Variants in IFT122 observed in about 807,000 individuals in gnomAD.
The protein encoded by IFT122 is intraflagellar transport 122.
In IFT122, 118 loss-of-function variants were observed where a neutral mutation model predicts 161.6. The ratio of observed to expected loss-of-function variants is 0.73; its 90% CI spans 0.63 to 0.85. The LOEUF (loss-of-function observed/expected upper bound fraction) is 0.85. IFT122 is among the 40% of genes least tolerant of loss of function. The probability of loss-of-function intolerance (pLI) is 0.00; values close to 1 mark genes in which losing one functional copy is unlikely to be tolerated. For missense variants in IFT122, 1,381 were observed against 1,579.6 expected (o/e 0.87, Z 2.13); for synonymous variants, 550 against 602.4 (o/e 0.91, Z 1.27).
In IFT122 at chr3:129,506,138, A is replaced by G. The variant is rs140543394; in HGVS notation, c.2651-271A>G. On this transcript the variant is annotated intron_variant, in intron 21 of 29. Transcript: ENST00000348417. Reference sequence around the variant, plus strand: ...GTTTCACTCTTAGACTTTGCCCTGGAATTTGGCCCCTCCAGTTTTTCCTTT... The same window carrying G: ...GTTTCACTCTTAGACTTTGCCCTGGGATTTGGCCCCTCCAGTTTTTCCTTT... Among the ~76,000 whole-genome samples the G allele has an allele frequency of 1.8e-4, 27 of 152,234 alleles. No homozygotes were observed. The East Asian group carries it at 5.0e-3, about 28-fold the overall frequency.
intron 20 of IFT122, 129 bp from the exon 21 acceptor site, chr3:129,504,190 A>T: frequency 1.3e-6 from 1 of 741,734 alleles, no homozygotes; most frequent in Non-Finnish European, 2.4e-6. Flanking sequence ...TTTTTGGGGG[A>T]GGCACTCTCC....
intron 9 of IFT122, among the ~76,000 whole-genome samples, chr3:129,475,985 A>AG (rs1239863404): frequency 6.6e-6 from 1 of 152,166 alleles, no homozygotes; most frequent in Non-Finnish European, 1.5e-5. Flanking sequence ...TTGCAGAGGG[A>AG]GGGGGGCCTT....
intron 8 of IFT122, among the ~76,000 whole-genome samples, chr3:129,468,588 C>T (rs184065863): frequency 9.0e-4 from 137 of 152,330 alleles, no homozygotes; most frequent in South Asian, 5.0e-3. Flanking sequence ...AGGTGATCCA[C>T]CTGCCTCAAC....
chr3:129,456,286 A>G (rs1320648115), intron 3 of IFT122: 84 of 1,244,264 alleles, frequency 6.8e-5, no homozygotes, highest in Non-Finnish European at 8.7e-5. Context: ...TTCTTTGTTT[A>G]TTTAGTATTT....
intron 16 of IFT122, among the ~76,000 whole-genome samples, chr3:129,491,071 G>A (rs2080024378): frequency 6.6e-6 from 1 of 152,186 alleles, no homozygotes; most frequent in East Asian, 1.9e-4. Context: ...ATTGTGGAGG[G>A]GGACAGGGGC....
At chr3:129,453,256 G>A (rs1391887752) in intron 3 of IFT122, among the ~76,000 whole-genome samples, 4 of 152,092 alleles carry the variant, frequency 2.6e-5, no homozygotes, top group Non-Finnish European at 4.4e-5. Flanking sequence ...CAATGTGGTA[G>A]TAGGAATCTA....
At position 129,514,497 on chromosome 3, in the gene IFT122, A is replaced by G. The variant is rs542924678; in HGVS notation, c.3096A>G (p.Gln1032=). The change falls in exon 25 of 30, where the codon CAA becomes CAG. Residue 1032 remains glutamine, a synonymous_variant. Coordinates refer to ENST00000348417, the MANE Select transcript of IFT122 (RefSeq NM_052989.3). ...GCCTGTACATCCCTGCCAGATTCCA[A>G]AAGTCCATTGAGCTGGGTACCCTGA... ...LRGLYIPARF[Q]KSIELGTLTI... The G allele has an allele frequency of 2.5e-6, 4 of 1,614,206 alleles. No individual in the cohort carries two copies. The highest frequency in any genetic ancestry group is 2.2e-5 in the South Asian group (2 of 91,080).
At chr3:129,442,386 G>A (rs963149859) in intron 1 of IFT122, among the ~76,000 whole-genome samples, 1 of 151,872 alleles carries the variant, frequency 6.6e-6, no homozygotes, top group Non-Finnish European at 1.5e-5. Context: ...TATATAAAAC[G>A]AAATACTGTG....
rs1311566116 is a variant in IFT122 at position 129,520,337 on chromosome 3, G to A, written c.*72G>A. 2 of 1,173,052 alleles carry A rather than the reference G, an allele frequency of 1.7e-6. No individual in the cohort carries two copies. Among genetic ancestry groups the A allele is most frequent in the Admixed American group, 1.9e-5 (1 of 51,510 alleles). The allele number at this position is 1,173,052 out of a possible 1,614,324, so 72.7% of individuals were successfully genotyped here. A position where few individuals can be genotyped will look rare whatever the true frequency, so the allele number is the denominator to read the frequency against. On this transcript the variant is annotated 3_prime_UTR_variant, in exon 30 of 30. Transcript: ENST00000348417. The stretch of plus-strand genomic sequence containing the variant: ...GCTGGGCTGTGAAGGAGAATAAAGA[G>A]TTAAACTGTCAGAATGTGTTTCTTG...
intron 9 of IFT122, among the ~76,000 whole-genome samples, chr3:129,469,886 G>C (rs911708168): frequency 6.6e-6 from 1 of 152,226 alleles, no homozygotes; most frequent in Non-Finnish European, 1.5e-5. Context: ...ACCTGCAAGA[G>C]CTCACAGGCT....
intron 13 of IFT122, among the ~76,000 whole-genome samples, chr3:129,480,337 C>G (rs1445389511): frequency 6.6e-6 from 1 of 152,138 alleles, no homozygotes; most frequent in African/African-American, 2.4e-5. Context: ...AATGCTGGGT[C>G]CTCAAGATAC....
intron 13 of IFT122, among the ~76,000 whole-genome samples, chr3:129,481,204 C>T (rs2078597279): frequency 6.6e-6 from 1 of 152,212 alleles, no homozygotes; most frequent in African/African-American, 2.4e-5. Flanking sequence ...ACTCAGATCT[C>T]TGCTAGGTGG....
intron 21 of IFT122, 35 bp from the exon 22 acceptor site, chr3:129,506,374 C>T (rs1440037286): frequency 1.2e-6 from 2 of 1,610,164 alleles, no homozygotes; most frequent in African/African-American, 1.3e-5. Flanking sequence ...TCCTAAATAG[C>T]ATGTGCTTTT....
At chr3:129,459,283 TTTTTG>T (rs200259631) in intron 4 of IFT122, 13,608 of 452,830 alleles carry the variant, frequency 0.03, 810 homozygotes, top group African/African-American at 0.12. Flanking sequence ...CTGCATCTAT[TTTTTG>T]TTTTGTTTTG....
rs2072765764 is a variant in IFT122 at position 129,440,255 on chromosome 3, G to T, written c.-76G>T. The T allele has an allele frequency of 1.3e-6, 2 of 1,537,414 alleles. No individual in the cohort carries two copies. Among genetic ancestry groups the T allele is most frequent in the Non-Finnish European group, 8.8e-7 (1 of 1,138,724 alleles). On this transcript the variant is annotated 5_prime_UTR_variant, in exon 1 of 30. Coordinates refer to ENST00000348417, the MANE Select transcript of IFT122 (RefSeq NM_052989.3). ...GGTAGCCAAAGTGGCTTGTGGAGTG[G>T]CGACCGTTAGTGAGGCGGTTGCTGA...
chr3:129,506,774 C>T (rs577318057), intron 22 of IFT122, among the ~76,000 whole-genome samples: 1 of 152,298 alleles, frequency 6.6e-6, no homozygotes, highest in Non-Finnish European at 1.5e-5. Flanking sequence ...CAGGTCCAGC[C>T]CTGCATTGCT....
intron 22 of IFT122, among the ~76,000 whole-genome samples, chr3:129,507,099 C>A (rs1452057368): frequency 6.6e-6 from 1 of 152,190 alleles, no homozygotes; most frequent in Non-Finnish European, 1.5e-5. Context: ...TAGCAAGTCA[C>A]AATCCTTCCT....
chr3:129,489,252 G>A (rs1247396702), intron 16 of IFT122, among the ~76,000 whole-genome samples: 4 of 152,312 alleles, frequency 2.6e-5, no homozygotes, highest in Middle Eastern at 3.4e-3. Flanking sequence ...ACCAGACCAG[G>A]ACTAAGAAGC....
Position 129,464,498 on chromosome 3 carries a change from C to T in IFT122, c.417-137C>T, listed in dbSNP as rs542210609. On this transcript the variant is annotated intron_variant, in intron 6 of 29. Transcript: ENST00000348417. ...TGATCCTCTGACTTTATGTCAGGAC[C>T]GGCAATAATGAAACCATATCCCAGC... is the stretch of plus-strand genomic sequence containing the variant. 115 of 981,980 alleles carry T rather than the reference C, an allele frequency of 1.2e-4. 2 individuals carry two copies. The highest frequency in any genetic ancestry group is 6.0e-4 in the South Asian group (46 of 76,576). 60.8% of individuals were successfully genotyped at this position (981,980 alleles called of 1,614,324 possible).
Sources: gnomAD v4.1 joint callset for allele counts (sites outside exome capture counted in the v4.1 genomes callset) on GRCh38, gnomAD v4.1.1 for gene constraint, MANE v1.5 for transcripts, NCBI Gene and HGNC (gene_info 2026-07-23, HGNC 2026-07-21) for gene names.